ARPC4: variants seen among roughly 807,000 people sequenced by gnomAD.
ARPC4 encodes actin related protein 2/3 complex subunit 4, also known as actin-related protein 2/3 complex subunit 4.
ARPC4 carries 3 observed loss-of-function variants against 22.8 expected under a neutral mutation model. That is an observed-to-expected ratio of 0.13 (90% CI 0.06 to 0.34). ARPC4 has a LOEUF of 0.34. Among genes scored for constraint, ARPC4 ranks in the 10% least tolerant of loss-of-function variants. ARPC4 has a pLI of 1.00. For missense variants in ARPC4, 98 were observed against 211.0 expected (o/e 0.46, Z 3.32); for synonymous variants, 80 against 72.5 (o/e 1.10, Z -0.52).
At chr3:9,800,446 C>G (rs183410242) in intron 3 of ARPC4, 150 bp downstream of exon 3, 7 of 704,244 alleles carry the variant, frequency 9.9e-6, no homozygotes, top group Non-Finnish European at 1.6e-5. Flanking sequence ...TTTTTTGACA[C>G]GGATTCTCAC....
chr3:9,805,989 A>G (rs7637785), intron 5 of ARPC4, among the ~76,000 whole-genome samples: 2 of 152,020 alleles, frequency 1.3e-5, no homozygotes, highest in African/African-American at 4.8e-5. Flanking sequence ...ATGGCTCTTA[A>G]TTTTTCTGCC....
chr3:9,793,370 C>T (rs910188722), intron 1 of ARPC4, among the ~76,000 whole-genome samples: 2 of 152,192 alleles, frequency 1.3e-5, no homozygotes, highest in Admixed American at 1.3e-4. Context: ...CAGGTAGGGG[C>T]TTTTCCTGAG....
Position 9,806,518 on chromosome 3 carries a change from T to A in ARPC4, c.*303T>A. On this transcript the variant is annotated 3_prime_UTR_variant, in exon 6 of 6. Coordinates refer to ENST00000397261, the MANE Select transcript of ARPC4 (RefSeq NM_005718.5). ...GTAGGATACTGTAACCTTTTTGTCT[T>A]TTTTTTTTTTTTTTTTTTTAAACCT... The A allele has an allele frequency of 2.0e-4, 6 of 30,612 alleles. No homozygotes were observed. Among genetic ancestry groups the A allele is most frequent in the Admixed American group, 2.4e-4 (1 of 4,102 alleles). The allele number at this position is 30,612 out of a possible 1,614,324, so 1.9% of individuals were successfully genotyped here.
At chr3:9,797,982 G>T in intron 2 of ARPC4, 3 of 570,448 alleles carry the variant, frequency 5.3e-6, no homozygotes, top group Non-Finnish European at 9.3e-6. Context: ...CAGGGGAAAA[G>T]ACAAGATTGG....
At chr3:9,805,900 C>G (rs979461451) in intron 5 of ARPC4, among the ~76,000 whole-genome samples, 1 of 152,358 alleles carries the variant, frequency 6.6e-6, no homozygotes, top group South Asian at 2.1e-4. Flanking sequence ...AAAGCAACCT[C>G]AGTTCACCAG....
At chr3:9,802,237 C>CAAAA (rs1159841703) in intron 4 of ARPC4, among the ~76,000 whole-genome samples, 5 of 50,276 alleles carry the variant, frequency 9.9e-5, no homozygotes, top group Admixed American at 3.2e-4. Context: ...GACTCCGTCT[C>CAAAA]AAAAAAAAAA....
At chr3:9,805,516 G>GC (rs1279960826) in intron 5 of ARPC4, among the ~76,000 whole-genome samples, 6 of 152,198 alleles carry the variant, frequency 3.9e-5, no homozygotes, top group African/African-American at 1.4e-4. Flanking sequence ...CTGAGCGCAT[G>GC]CCTCATGTGC....
At chr3:9,805,273 G>T (rs1196597127) in intron 5 of ARPC4, among the ~76,000 whole-genome samples, 2 of 152,194 alleles carry the variant, frequency 1.3e-5, no homozygotes, top group Admixed American at 1.3e-4. Context: ...CAGTCTTTGA[G>T]TCAGCTATTA....
At chr3:9,795,742 A>T (rs2078869022) in intron 1 of ARPC4, among the ~76,000 whole-genome samples, 1 of 152,238 alleles carries the variant, frequency 6.6e-6, no homozygotes. Context: ...CTGTGAATAA[A>T]ATAGATATGG....
At chr3:9,800,936 C>T (rs1311501646) in intron 3 of ARPC4, among the ~76,000 whole-genome samples, 1 of 152,096 alleles carries the variant, frequency 6.6e-6, no homozygotes, top group African/African-American at 2.4e-5. Flanking sequence ...CAGGGCCAGG[C>T]ACAGTGGCTC....
At chr3:9,798,387 C>G (rs1280100020) in intron 2 of ARPC4, among the ~76,000 whole-genome samples, 2 of 151,918 alleles carry the variant, frequency 1.3e-5, no homozygotes, top group Non-Finnish European at 2.9e-5. Context: ...AGTTCAAGAC[C>G]AGCCTGGGCA....
intron 5 of ARPC4, 22 bp from the exon 6 acceptor site, chr3:9,806,188 T>C: frequency 1.9e-6 from 3 of 1,613,772 alleles, no homozygotes; most frequent in Non-Finnish European, 8.5e-7. Context: ...CACCATGCAC[T>C]GCCTCTTGGT....
chr3:9,803,977 C>T lies in ARPC4; in HGVS notation c.465C>T (p.Ala155=). Residue 155 remains alanine, a synonymous_variant, in exon 5 of 6, where the codon GCC becomes GCT. Transcript: ENST00000397261. The stretch of plus-strand genomic sequence containing the variant: ...GTGAGATGAAGCTGTCAGTCAATGC[C>T]CGTGCCCGCATTGTGGCTGAAGAGT... ...EISEMKLSVN[A]RARIVAEEFL... 2 of 1,614,158 alleles carry T rather than the reference C, an allele frequency of 1.2e-6. No homozygotes were observed. The highest frequency in any genetic ancestry group is 1.7e-6 in the Non-Finnish European group (2 of 1,180,028).
At position 9,797,641 on chromosome 3, in the gene ARPC4, CTG is replaced by C. The variant is rs754795088; in HGVS notation, c.4-14_4-13del. On this transcript the variant is annotated splice_polypyrimidine_tract_variant and intron_variant, in intron 1 of 5. Coordinates refer to ENST00000397261, the MANE Select transcript of ARPC4 (RefSeq NM_005718.5). Reference sequence around the variant, plus strand: ...GACAGATTTTGATCTTCCCTTTCCTCTGTGTTATTTCCTATAGACTGCCACTC... The same window carrying C: ...GACAGATTTTGATCTTCCCTTTCCTCTGTTATTTCCTATAGACTGCCACTC... 1 of 1,608,120 alleles carries C rather than the reference CTG, an allele frequency of 6.2e-7. No individual in the cohort carries two copies. Among genetic ancestry groups the C allele is most frequent in the South Asian group, 1.1e-5 (1 of 90,708 alleles).
chr3:9,793,120 C>A lies in ARPC4; in HGVS notation c.-2C>A, dbSNP rs763420652. On this transcript the variant is annotated 5_prime_UTR_variant, in exon 1 of 6. Coordinates refer to ENST00000397261, the MANE Select transcript of ARPC4 (RefSeq NM_005718.5). ...CGCTTTCCGGCCCAGCCAGCGCCCG[C>A]GATGGTGAGAGAGCCGGGCCCCCGG... 2.8e-5 allele frequency: 43 copies of A among 1,543,740 alleles called. No individual in the cohort carries two copies. Among genetic ancestry groups the A allele is most frequent in the Non-Finnish European group, 3.6e-5 (41 of 1,143,924 alleles).
Position 9,804,030 on chromosome 3 carries a change from A to G in ARPC4, c.501+17A>G. The G allele has an allele frequency of 6.2e-7, 1 of 1,612,422 alleles. No homozygotes were observed. Among genetic ancestry groups the G allele is most frequent in the African/African-American group, 1.3e-5 (1 of 75,000 alleles). ...CTTAAGAATGTGAGTAGGGGCCTTTAGCTTTCCTTCCAGAGGCCAGAGGAT... is the reference window on the plus strand; with the variant it reads ...CTTAAGAATGTGAGTAGGGGCCTTTGGCTTTCCTTCCAGAGGCCAGAGGAT... On this transcript the variant is annotated intron_variant, in intron 5 of 5. Coordinates refer to ENST00000397261, the MANE Select transcript of ARPC4 (RefSeq NM_005718.5).
At chr3:9,795,043 T>C (rs1420794945) in intron 1 of ARPC4, among the ~76,000 whole-genome samples, 1 of 152,168 alleles carries the variant, frequency 6.6e-6, no homozygotes, top group Non-Finnish European at 1.5e-5. Flanking sequence ...TCTCGCTCTG[T>C]CACCCAGGCT....
At chr3:9,793,620 ATC>A (rs1255388522) in intron 1 of ARPC4, among the ~76,000 whole-genome samples, 1 of 151,970 alleles carries the variant, frequency 6.6e-6, no homozygotes, top group East Asian at 1.9e-4. Context: ...CCATTGGAGG[ATC>A]TCTCGTGTTG....
intron 5 of ARPC4, 100 bp from the exon 6 acceptor site, chr3:9,806,110 T>C (rs376504369): frequency 1.1e-5 from 15 of 1,368,856 alleles, no homozygotes; most frequent in Middle Eastern, 1.8e-4. Context: ...CTCACAGATA[T>C]GAGCACAGTG....
Sources: gnomAD v4.1 joint callset for allele counts (sites outside exome capture counted in the v4.1 genomes callset) on GRCh38, gnomAD v4.1.1 for gene constraint, MANE v1.5 for transcripts, NCBI Gene and HGNC (gene_info 2026-07-23, HGNC 2026-07-21) for gene names.